RAB11FIP1: variants seen among roughly 807,000 people sequenced by gnomAD.
The protein encoded by RAB11FIP1 is rab11 family-interacting protein 1.
RAB11FIP1 carries 49 observed loss-of-function variants against 83.1 expected under a neutral mutation model. The ratio of observed to expected loss-of-function variants is 0.59; its 90% CI spans 0.47 to 0.75. RAB11FIP1 has a LOEUF of 0.75. Among genes scored for constraint, RAB11FIP1 ranks in the 30% least tolerant of loss-of-function variants. The pLI is 0.00. For missense variants in RAB11FIP1, 1,536 were observed against 1,598.7 expected, an observed-to-expected ratio of 0.96 and a Z score of 0.67; for synonymous variants, 670 against 656.0, an observed-to-expected ratio of 1.02 and a Z score of -0.33.
intron 1 of RAB11FIP1, among the ~76,000 whole-genome samples, chr8:37,889,869 T>A (rs1048099412): frequency 6.6e-6 from 1 of 152,154 alleles, no homozygotes; most frequent in Non-Finnish European, 1.5e-5. Flanking sequence ...CCGCAAGCTC[T>A]GCCTCCCAGG....
Position 37,872,215 on chromosome 8 carries a change from C to T in RAB11FIP1, c.2587G>A (p.Glu863Lys), listed in dbSNP as rs754662611. The T allele has an allele frequency of 1.9e-6, 3 of 1,614,018 alleles. No homozygotes were observed. The highest frequency in any genetic ancestry group is 3.3e-4 in the Middle Eastern group (2 of 6,084). The part of the protein sequence containing the change: ...PPESPHAEDS[E>K]RESVTTPGPA... ...CCAGGTGTGGTCACCGATTCCCTTTCTGAGTCCTCTGCGTGGGGAGACTCA... is the reference window on the plus strand; with the variant it reads ...CCAGGTGTGGTCACCGATTCCCTTTTTGAGTCCTCTGCGTGGGGAGACTCA... The change falls in exon 4 of 6, where the codon GAA becomes AAA. Residue 863 changes from glutamate to lysine, a missense_variant. Physicochemically the swap from Glu to Lys is moderately conservative, Grantham distance 56. Transcript: ENST00000330843.
rs549880493 is a variant in RAB11FIP1 at position 37,876,126 on chromosome 8, C to T, written c.815-804G>A. 2.4e-4 allele frequency among the ~76,000 whole-genome samples: 36 copies of T among 151,708 alleles called. 1 individual carries two copies. The South Asian group carries it at 7.1e-3, about 30-fold the overall frequency. ...AGGAGAATTGCTTAAACCCAGGAGGCGGAAGTTGCAAAGAGCCAAGATCGC... is the reference window on the plus strand; with the variant it reads ...AGGAGAATTGCTTAAACCCAGGAGGTGGAAGTTGCAAAGAGCCAAGATCGC... On this transcript the variant is annotated intron_variant, in intron 2 of 5. Transcript: ENST00000330843.
intron 5 of RAB11FIP1, 139 bp from the exon 6 acceptor site, chr8:37,863,252 T>TTCTTTCTTTCTC (rs1563364355): frequency 6.1e-6 from 4 of 653,708 alleles, no homozygotes; most frequent in African/African-American, 5.5e-5. Context: ...CTTTCTTTCT[T>TTCTTTCTTTCTC]TCTTTCTTTT....
In RAB11FIP1 at chr8:37,866,444, C is replaced by T. The variant is rs73598926; in HGVS notation, c.3634-3331G>A. Reference sequence around the variant, plus strand: ...CACAAATGCAAGAAAGAATGGTGCCCATTGTCATGTATTTCTCACCAGGAT... The same window carrying T: ...CACAAATGCAAGAAAGAATGGTGCCTATTGTCATGTATTTCTCACCAGGAT... On this transcript the variant is annotated intron_variant, in intron 5 of 5. Coordinates refer to ENST00000330843, the MANE Select transcript of RAB11FIP1 (RefSeq NM_001002814.3). 1.1e-3 allele frequency among the ~76,000 whole-genome samples: 169 copies of T among 152,160 alleles called. 3 individuals are homozygous for T. The highest frequency in any genetic ancestry group is 3.8e-3 in the African/African-American group (159 of 41,528).
At position 37,894,184 on chromosome 8, in the gene RAB11FIP1, C is replaced by T. The variant is rs146998226; in HGVS notation, c.371+4887G>A. 1.5e-3 allele frequency among the ~76,000 whole-genome samples: 221 copies of T among 152,138 alleles called. 1 individual carries two copies. The highest frequency in any genetic ancestry group is 5.1e-3 in the African/African-American group (213 of 41,500). On this transcript the variant is annotated intron_variant, in intron 1 of 5. Transcript: ENST00000330843. Reference sequence around the variant, plus strand: ...TCAGTAATAACATTACTTGAATTTTCCAACCTATTAAGCAAAATCTAAATG... The same window carrying T: ...TCAGTAATAACATTACTTGAATTTTTCAACCTATTAAGCAAAATCTAAATG...
At chr8:37,887,530 C>CAAAAAAAA (rs572127005) in intron 1 of RAB11FIP1, among the ~76,000 whole-genome samples, 1 of 74,970 alleles carries the variant, frequency 1.3e-5, no homozygotes. Context: ...GACGCCATCT[C>CAAAAAAAA]AAAAAAAAAA....
rs138876193 is a variant in RAB11FIP1 at position 37,872,598 on chromosome 8, T to A, written c.2204A>T (p.Asp735Val). 49 of 1,614,224 alleles carry A rather than the reference T, an allele frequency of 3.0e-5. No homozygotes were observed. The African/African-American group carries it at 5.9e-4, about 19-fold the overall frequency. The change falls in exon 4 of 6, where the codon GAT becomes GTT. Residue 735 changes from aspartate (D) to valine (V), a missense_variant. Transcript: ENST00000330843. ...EVPFALSLSS[D>V]GAVSPVGELA... Reference sequence around the variant, plus strand: ...CTCCCCAACAGGGCTCACAGCTCCATCACTGCTGAGTGAAAGGGCAAACGG... The same window carrying A: ...CTCCCCAACAGGGCTCACAGCTCCAACACTGCTGAGTGAAAGGGCAAACGG...
chr8:37,866,025 T>A (rs1286757952), intron 5 of RAB11FIP1, among the ~76,000 whole-genome samples: 1 of 152,088 alleles, frequency 6.6e-6, no homozygotes, highest in East Asian at 1.9e-4. Context: ...AAGAGCCTAG[T>A]TTTGCAATAT....
At chr8:37,866,788 A>G (rs1229912618) in intron 5 of RAB11FIP1, among the ~76,000 whole-genome samples, 1 of 152,212 alleles carries the variant, frequency 6.6e-6, no homozygotes, top group African/African-American at 2.4e-5. Flanking sequence ...AAGAGTAGGT[A>G]TCTTTATAAA....
intron 1 of RAB11FIP1, among the ~76,000 whole-genome samples, chr8:37,884,349 T>C (rs1235336358): frequency 6.6e-6 from 1 of 151,878 alleles, no homozygotes. Context: ...AGGCGTGAGC[T>C]ACCACACCCG....
intron 4 of RAB11FIP1, 84 bp from the exon 5 acceptor site, chr8:37,870,612 A>G: frequency 1.4e-6 from 1 of 690,066 alleles, no homozygotes; most frequent in Non-Finnish European, 2.5e-6. Context: ...GGCAGCCAGT[A>G]AGCCAGACAA....
intron 1 of RAB11FIP1, among the ~76,000 whole-genome samples, chr8:37,880,787 G>A (rs1034181081): frequency 8.7e-5 from 13 of 148,714 alleles, no homozygotes; most frequent in African/African-American, 3.0e-4. Context: ...AAAAAAAAAT[G>A]TGAGCCCAGT....
intron 5 of RAB11FIP1, among the ~76,000 whole-genome samples, chr8:37,869,697 C>CA (rs1458198128): frequency 6.6e-6 from 1 of 152,022 alleles, no homozygotes; most frequent in Non-Finnish European, 1.5e-5. Flanking sequence ...AACTTACTTC[C>CA]AAATGATTTT....
intron 1 of RAB11FIP1, among the ~76,000 whole-genome samples, chr8:37,896,446 A>G (rs1040119876): frequency 6.6e-6 from 1 of 152,162 alleles, no homozygotes; most frequent in South Asian, 2.1e-4. Context: ...TGGAAATTTC[A>G]TCTACCCATA....
intron 4 of RAB11FIP1, 149 bp downstream of exon 4, chr8:37,871,126 TACC>T (rs1344324799): frequency 2.1e-6 from 2 of 937,536 alleles, no homozygotes; most frequent in Admixed American, 3.0e-5. Context: ...CTTGAGGTAT[TACC>T]ACCACAAGGG....
At chr8:37,878,533 CAA>C (rs918942295) in intron 1 of RAB11FIP1, among the ~76,000 whole-genome samples, 196 of 24,038 alleles carry the variant, frequency 8.2e-3, no homozygotes, top group African/African-American at 0.027. Flanking sequence ...GACTCCATCT[CAA>C]AAAAAAAAAA....
At position 37,899,304 on chromosome 8, in the gene RAB11FIP1, C is replaced by T. The variant is rs530259036; in HGVS notation, c.138G>A (p.Gln46=). 9.9e-5 allele frequency: 160 copies of T among 1,609,972 alleles called. 1 individual carries two copies. The East Asian group carries it at 2.5e-3, about 26-fold the overall frequency. Residue 46 remains glutamine (Q), a synonymous_variant, in exon 1 of 6, where the codon CAG becomes CAA. Coordinates refer to ENST00000330843, the MANE Select transcript of RAB11FIP1 (RefSeq NM_001002814.3). The surrounding 1 kb of genome is among the most constrained non-coding windows in gnomAD (Gnocchi z 4.5). Reference sequence around the variant, plus strand: ...AGGTGGCGTACTTCTCCTTGCCCACCTGGATCACCGCGTACGCGTCGCTCG... The same window carrying T: ...AGGTGGCGTACTTCTCCTTGCCCACTTGGATCACCGCGTACGCGTCGCTCG... ...GGTSDAYAVI[Q]VGKEKYATSV...
chr8:37,861,670 C>G lies in RAB11FIP1; in HGVS notation c.*1225G>C. The G allele has an allele frequency of 2.5e-6, 1 of 407,976 alleles. No individual in the cohort carries two copies. Among genetic ancestry groups the G allele is most frequent in the South Asian group, 1.8e-5 (1 of 56,430 alleles). The allele number at this position is 407,976 out of a possible 1,614,324, so 25.3% of individuals were successfully genotyped here. ...GTGGCACGATCTTGGCTCGCTGCAG[C>G]CTCCATCTCCCAAGTTCAAGCAATT... On this transcript the variant is annotated 3_prime_UTR_variant, in exon 6 of 6. Coordinates refer to ENST00000330843, the MANE Select transcript of RAB11FIP1 (RefSeq NM_001002814.3).
rs1806245304 is a variant in RAB11FIP1 at position 37,861,954 on chromosome 8, T to C, written c.*941A>G. ...CTCTGCCCCTTACAAGGAGTGTTGC[T>C]GAGGAAACCAGAGCACCGAGCAAAG... On this transcript the variant is annotated 3_prime_UTR_variant, in exon 6 of 6. Coordinates refer to ENST00000330843, the MANE Select transcript of RAB11FIP1 (RefSeq NM_001002814.3). The C allele has an allele frequency of 5.0e-6, 1 of 201,350 alleles. No individual in the cohort carries two copies. Among genetic ancestry groups the C allele is most frequent in the Non-Finnish European group, 1.0e-5 (1 of 96,730 alleles). 12.5% of individuals were successfully genotyped at this position (201,350 alleles called of 1,614,324 possible).
Sources: gnomAD v4.1 joint callset for allele counts (sites outside exome capture counted in the v4.1 genomes callset) on GRCh38, gnomAD v4.1.1 for gene constraint, Gnocchi (gnomAD v3.1) non-coding constraint, MANE v1.5 for transcripts, NCBI Gene and HGNC (gene_info 2026-07-23, HGNC 2026-07-21) for gene names.